Variants in PIBF1 observed in about 807,000 individuals in gnomAD.
PIBF1 encodes the protein progesterone-induced-blocking factor 1.
A neutral mutation model predicts 112.5 loss-of-function variants in PIBF1; 90 were observed. The observed-to-expected ratio is 0.80, with a 90% CI of 0.67 to 0.95. The LOEUF (loss-of-function observed/expected upper bound fraction) is 0.95. Among genes scored for constraint, PIBF1 ranks in the 40% least tolerant of loss-of-function variants. PIBF1 has a pLI of 0.00. For synonymous variants in PIBF1, 301 were observed against 288.6 expected (o/e 1.04, Z -0.44); for missense variants, 915 against 852.3 (o/e 1.07, Z -0.92).
intron 13 of PIBF1, among the ~76,000 whole-genome samples, chr13:72,925,379 A>G (rs772638500): frequency 2.6e-5 from 4 of 152,248 alleles, no homozygotes; most frequent in Middle Eastern, 3.4e-3. Flanking sequence ...CATTCAATAG[A>G]TAATTTCTAA....
At chr13:72,856,954 C>T (rs747788862) in intron 10 of PIBF1, among the ~76,000 whole-genome samples, 18 of 152,026 alleles carry the variant, frequency 1.2e-4, no homozygotes, top group African/African-American at 2.2e-4. Context: ...ACAGTTTTTA[C>T]GTTATGCCTT....
At chr13:72,910,468 T>C (rs1349871601) in intron 12 of PIBF1, among the ~76,000 whole-genome samples, 3 of 152,198 alleles carry the variant, frequency 2.0e-5, no homozygotes, top group African/African-American at 7.2e-5. Flanking sequence ...CTAAACAAAT[T>C]AGGAATAGAA....
At chr13:72,841,769 C>T (rs1429822354) in intron 9 of PIBF1, among the ~76,000 whole-genome samples, 2 of 152,028 alleles carry the variant, frequency 1.3e-5, no homozygotes, top group Non-Finnish European at 2.9e-5. Context: ...GAGACCCTGT[C>T]TCAAAAAATA....
intron 14 of PIBF1, among the ~76,000 whole-genome samples, chr13:72,964,513 A>G (rs1248623669): frequency 6.6e-6 from 1 of 152,224 alleles, no homozygotes; most frequent in Non-Finnish European, 1.5e-5. Context: ...CACATTTGTC[A>G]AAAATTTATA....
At chr13:72,859,723 C>T (rs576226176) in intron 10 of PIBF1, among the ~76,000 whole-genome samples, 1 of 152,182 alleles carries the variant, frequency 6.6e-6, no homozygotes, top group East Asian at 1.9e-4. Context: ...GTGAAAATGA[C>T]CTGCATGGTT....
chr13:72,864,797 G>T (rs2038855189), intron 10 of PIBF1, among the ~76,000 whole-genome samples: 1 of 152,166 alleles, frequency 6.6e-6, no homozygotes, highest in African/African-American at 2.4e-5. Flanking sequence ...TACCACAGAT[G>T]AAGTGTGAGT....
At chr13:72,916,555 T>C (rs998849758) in intron 12 of PIBF1, among the ~76,000 whole-genome samples, 1 of 151,898 alleles carries the variant, frequency 6.6e-6, no homozygotes, top group African/African-American at 2.4e-5. Context: ...TTCACATAAT[T>C]TTTTTACATT....
chr13:72,803,118 T>G (rs77590838), intron 5 of PIBF1, among the ~76,000 whole-genome samples: 4 of 152,024 alleles, frequency 2.6e-5, no homozygotes, highest in African/African-American at 9.7e-5. Context: ...TGAGAGTGAA[T>G]GGAGGAAATA....
intron 11 of PIBF1, among the ~76,000 whole-genome samples, chr13:72,896,706 T>C (rs2040294346): frequency 6.6e-6 from 1 of 152,100 alleles, no homozygotes; most frequent in Non-Finnish European, 1.5e-5. Context: ...AACTCAGAGC[T>C]TGAAGACAAG....
At chr13:72,800,944 T>C (rs1314528692) in intron 5 of PIBF1, among the ~76,000 whole-genome samples, 2 of 152,070 alleles carry the variant, frequency 1.3e-5, no homozygotes, top group African/African-American at 4.8e-5. Flanking sequence ...TTACAAAGCC[T>C]TGAGGAAGTG....
intron 12 of PIBF1, among the ~76,000 whole-genome samples, chr13:72,914,823 C>T (rs1004397292): frequency 6.6e-6 from 1 of 152,106 alleles, no homozygotes; most frequent in African/African-American, 2.4e-5. Context: ...CAAGGGATCC[C>T]CCTGCCTGGG....
At chr13:72,886,634 ATTACATATT>A (rs1280036311) in intron 10 of PIBF1, among the ~76,000 whole-genome samples, 6 of 151,940 alleles carry the variant, frequency 3.9e-5, no homozygotes, top group African/African-American at 1.4e-4. Flanking sequence ...TATTAATGGC[ATTACATATT>A]TTATTTGATC....
intron 16 of PIBF1, among the ~76,000 whole-genome samples, chr13:72,986,271 G>A (rs147501761): frequency 5.5e-4 from 84 of 152,240 alleles, no homozygotes; most frequent in African/African-American, 1.9e-3. Context: ...AATTGCACTT[G>A]GTCACAAAGC....
At chr13:72,869,252 G>T (rs1251988535) in intron 10 of PIBF1, among the ~76,000 whole-genome samples, 12 of 152,180 alleles carry the variant, frequency 7.9e-5, no homozygotes, top group Non-Finnish European at 1.2e-4. Flanking sequence ...TTGAGAAAGT[G>T]TGGCACGTGT....
intron 17 of PIBF1, among the ~76,000 whole-genome samples, chr13:73,000,810 G>C (rs757731563): frequency 6.6e-6 from 1 of 152,174 alleles, no homozygotes; most frequent in Non-Finnish European, 1.5e-5. Flanking sequence ...TAATCAATCA[G>C]TACATGAGTA....
At chr13:72,859,783 G>T (rs2038610421) in intron 10 of PIBF1, among the ~76,000 whole-genome samples, 1 of 152,144 alleles carries the variant, frequency 6.6e-6, no homozygotes, top group South Asian at 2.1e-4. Context: ...TGTAGAATGT[G>T]ATCTGTAATT....
intron 9 of PIBF1, among the ~76,000 whole-genome samples, chr13:72,846,295 C>T (rs142958177): frequency 7.2e-5 from 11 of 152,246 alleles, no homozygotes; most frequent in African/African-American, 2.6e-4. Flanking sequence ...TTTCACATTC[C>T]ATATTCTATT....
chr13:72,794,489 C>T (rs148745085), intron 3 of PIBF1, among the ~76,000 whole-genome samples: 2 of 152,198 alleles, frequency 1.3e-5, no homozygotes, highest in African/African-American at 2.4e-5. Flanking sequence ...TGTGTCCCCA[C>T]CCAAATCTCA....
Position 72,933,096 on chromosome 13 carries a change from TAAAC to T in PIBF1, c.1833+1842_1833+1845del, listed in dbSNP as rs989235206. On this transcript the variant is annotated intron_variant, in intron 14 of 17. Coordinates refer to ENST00000326291, the MANE Select transcript of PIBF1 (RefSeq NM_006346.4). Reference sequence around the variant, plus strand: ...TGCTAGGTGGAAGCAGAAAAGATAATAAACAAACAAACAAACCTCTGTTTGCTAA... The same window carrying T: ...TGCTAGGTGGAAGCAGAAAAGATAATAAACAAACAAACCTCTGTTTGCTAA... Among the ~76,000 whole-genome samples the T allele has an allele frequency of 6.0e-5, 8 of 133,646 alleles. No individual in the cohort carries two copies. The East Asian group carries it at 6.7e-4, about 11-fold the overall frequency. The allele number at this position is 133,646 out of a possible 152,430, so 87.7% of individuals were successfully genotyped here. A position where few individuals can be genotyped will look rare whatever the true frequency, so the allele number is the denominator to read the frequency against.
Sources: gnomAD v4.1 joint callset for allele counts (sites outside exome capture counted in the v4.1 genomes callset) on GRCh38, gnomAD v4.1.1 for gene constraint, MANE v1.5 for transcripts, NCBI Gene and HGNC (gene_info 2026-07-23, HGNC 2026-07-21) for gene names.